The following LAMA1 variants were observed in gnomAD, a reference collection of about 807,000 sequenced individuals.
LAMA1 encodes laminin subunit alpha 1, also known as laminin subunit alpha-1.
In LAMA1, 219 loss-of-function variants were observed where a neutral mutation model predicts 348.7. That is an observed-to-expected ratio of 0.63 (90% CI 0.56 to 0.70). LAMA1 has a LOEUF of 0.70. LAMA1 is among the 30% of genes least tolerant of loss of function. The pLI is 0.00. For synonymous variants in LAMA1, 1,487 were observed against 1,491.0 expected (o/e 1.00, Z 0.06); for missense variants, 3,744 against 3,888.0 (o/e 0.96, Z 0.99).
chr18:6,973,541 C>A (rs148973990), intron 46 of LAMA1, among the ~76,000 whole-genome samples: 84 of 152,234 alleles, frequency 5.5e-4, no homozygotes, highest in African/African-American at 1.9e-3. Flanking sequence ...TGAAAACATA[C>A]ACTTAAAGCT....
At chr18:6,999,055 G>A (rs528070) in intron 32 of LAMA1, among the ~76,000 whole-genome samples, 71,620 of 151,558 alleles carry the variant, frequency 0.47, 18,741 homozygotes, top group African/African-American at 0.72. Context: ...TTTTTTTTAA[G>A]TCCATGATAG....
rs1177860585 is a variant in LAMA1, at chr18:7,037,663, T to C, written c.1652A>G (p.Gln551Arg). ...SQQDALGGRH[Q>R]VSINNTAVMQ... Reference sequence around the variant, plus strand: ...GACCGCGGTGTTGTTGATGCTGACCTGATGGCGCCCGCCTAGTGCATCTTG... The same window carrying C: ...GACCGCGGTGTTGTTGATGCTGACCCGATGGCGCCCGCCTAGTGCATCTTG... Residue 551 changes from glutamine to arginine, a missense_variant, in exon 12 of 63, where the codon CAG (glutamine) becomes CGG (arginine). Gln to Arg is a conservative substitution (Grantham distance 43, BLOSUM62 1). This residue lies in a region of LAMA1 where 1,529 missense variants were observed against 1,689.4 expected (regional missense o/e 0.91). Coordinates refer to ENST00000389658, the MANE Select transcript of LAMA1 (RefSeq NM_005559.4). 1 of 1,614,072 alleles carries C rather than the reference T, an allele frequency of 6.2e-7. No homozygotes were observed. Among genetic ancestry groups the C allele is most frequent in the Admixed American group, 1.7e-5 (1 of 60,004 alleles).
intron 16 of LAMA1, among the ~76,000 whole-genome samples, chr18:7,030,899 GA>G (rs36048483): frequency 0.22 from 32,645 of 145,786 alleles, 4,098 homozygotes; most frequent in African/African-American, 0.33. Context: ...GAAAGGAGGT[GA>G]AAAAAAAAGC....
intron 57 of LAMA1, 192 bp downstream of exon 57, chr18:6,955,161 C>T (rs1352037769): frequency 1.6e-6 from 1 of 621,672 alleles, no homozygotes; most frequent in African/African-American, 1.8e-5. Flanking sequence ...ACCACAGACT[C>T]CCCAGTGAAC....
intron 1 of LAMA1, among the ~76,000 whole-genome samples, chr18:7,108,477 A>G (rs2058322890): frequency 6.6e-6 from 1 of 151,930 alleles, no homozygotes; most frequent in Non-Finnish European, 1.5e-5. Flanking sequence ...CCCCGCCAAC[A>G]TGGTGAAACC....
chr18:6,977,861 C>T lies in LAMA1; in HGVS notation c.6211G>A (p.Val2071Ile), dbSNP rs781222716. 13 of 1,613,116 alleles carry T rather than the reference C, an allele frequency of 8.1e-6. No individual in the cohort carries two copies. Among genetic ancestry groups the T allele is most frequent in the South Asian group, 1.1e-5 (1 of 91,060 alleles). ...TTGGCTTGAATTTCCACGTCTTTGA[C>T]TTTTCTTCCAGCCAACAGAGCTAAC... ...TMATLLAGRKVKDVEIQANLL... is the reference protein window; with the variant it reads ...TMATLLAGRKIKDVEIQANLL... The change falls in exon 44 of 63, where the codon GTC (valine) becomes ATC (isoleucine). Residue 2071 changes from valine (V) to isoleucine (I), a missense_variant. Physicochemically the swap from Val to Ile is conservative, Grantham distance 29. Around this residue, in one of 3 missense-constraint regions of LAMA1, gnomAD observed 1,983 missense variants for 1,934.3 expected, o/e 1.03. Coordinates refer to ENST00000389658, the MANE Select transcript of LAMA1 (RefSeq NM_005559.4).
intron 56 of LAMA1, chr18:6,956,250 T>C: frequency 5.7e-6 from 2 of 347,894 alleles, no homozygotes; most frequent in South Asian, 2.3e-5. Flanking sequence ...TGGCTTTTCC[T>C]AATGAATTGA....
chr18:6,987,153 T>C (rs1031668147), intron 36 of LAMA1, among the ~76,000 whole-genome samples: 4 of 152,206 alleles, frequency 2.6e-5, no homozygotes, highest in African/African-American at 4.8e-5. Context: ...TAAACTTGGG[T>C]CCAGTGGGCT....
At chr18:6,998,288 C>G (rs978408546) in intron 32 of LAMA1, among the ~76,000 whole-genome samples, 6 of 152,124 alleles carry the variant, frequency 3.9e-5, no homozygotes, top group South Asian at 2.1e-4. Flanking sequence ...ACGAAAAGAA[C>G]TTTATTGACT....
At chr18:7,077,879 G>A (rs565278139) in intron 3 of LAMA1, among the ~76,000 whole-genome samples, 10 of 151,286 alleles carry the variant, frequency 6.6e-5, no homozygotes, top group African/African-American at 9.7e-5. Context: ...CTCTAATCCC[G>A]GCACTTTGGG....
At chr18:6,963,464 C>T (rs917545109) in intron 51 of LAMA1, among the ~76,000 whole-genome samples, 10 of 152,192 alleles carry the variant, frequency 6.6e-5, no homozygotes, top group South Asian at 2.1e-4. Context: ...GATCAGGAGG[C>T]GGCTGTGGTT....
At chr18:7,098,776 GCCCGGCCACC>G (rs2058276559) in intron 1 of LAMA1, among the ~76,000 whole-genome samples, 1 of 127,816 alleles carries the variant, frequency 7.8e-6, no homozygotes, top group Admixed American at 8.1e-5. Flanking sequence ...GGGCGCCTCT[GCCCGGCCACC>G]CCTACTGGGA....
rs370742393 is a variant in LAMA1 at position 7,099,916 on chromosome 18, G to A, written c.61+17744C>T. 2.6e-5 allele frequency among the ~76,000 whole-genome samples: 4 copies of A among 151,770 alleles called. No individual in the cohort carries two copies. The South Asian group carries it at 6.2e-4, about 24-fold the overall frequency. On this transcript the variant is annotated intron_variant, in intron 1 of 62. Transcript: ENST00000389658. ...TACTAAAAAATACAAAAAATTAGCC[G>A]GGTGTGGTGGTGAGCACCTGTAGTC...
chr18:7,004,243 T>C (rs973388880), intron 29 of LAMA1, among the ~76,000 whole-genome samples: 1 of 152,146 alleles, frequency 6.6e-6, no homozygotes, highest in South Asian at 2.1e-4. Flanking sequence ...AAAGGTTCAG[T>C]CGTATCTCCC....
chr18:6,974,301 T>C (rs1036101468), intron 46 of LAMA1, among the ~76,000 whole-genome samples: 1 of 152,070 alleles, frequency 6.6e-6, no homozygotes, highest in Non-Finnish European at 1.5e-5. Context: ...GTGCAAAATG[T>C]TGTTATGATT....
chr18:6,986,470 C>T (rs1190929741), intron 36 of LAMA1, 123 bp from the exon 37 acceptor site: 3 of 811,732 alleles, frequency 3.7e-6, no homozygotes, highest in South Asian at 1.5e-5. Flanking sequence ...GTAAGTGATA[C>T]ATCATAACTT....
intron 29 of LAMA1, among the ~76,000 whole-genome samples, chr18:7,003,178 T>C (rs907157412): frequency 5.2e-4 from 79 of 152,076 alleles, no homozygotes; most frequent in African/African-American, 1.8e-3. Flanking sequence ...CCACCCCATG[T>C]GGCATTTCCA....
chr18:7,076,732 G>C (rs2058169855), intron 3 of LAMA1: 1 of 151,742 alleles, frequency 6.6e-6, no homozygotes, highest in East Asian at 1.9e-4. Flanking sequence ...TGGGAAAAGA[G>C]TTATTAAGAA....
chr18:6,944,931 C>T (rs896954843), intron 61 of LAMA1, among the ~76,000 whole-genome samples: 6 of 151,820 alleles, frequency 4.0e-5, no homozygotes, highest in African/African-American at 1.5e-4. Context: ...TAGGTAACAA[C>T]TAAAAATGTT....
Sources: gnomAD v4.1 joint callset for allele counts (sites outside exome capture counted in the v4.1 genomes callset) on GRCh38, gnomAD v4.1.1 for gene constraint, gnomAD v4.1.1 regional missense constraint, MANE v1.5 for transcripts, NCBI Gene and HGNC (gene_info 2026-07-23, HGNC 2026-07-21) for gene names.